Variants in TALDO1 observed in about 807,000 individuals in gnomAD.
TALDO1 encodes the protein transaldolase.
In TALDO1, 29 loss-of-function variants were observed where a neutral mutation model predicts 38.1. The observed-to-expected ratio is 0.76, with a 90% CI of 0.57 to 1.04. The LOEUF is 1.04. TALDO1 is among the 50% of genes least tolerant of loss of function. The pLI, the probability that TALDO1 is intolerant of heterozygous loss-of-function variation, is 0.00. For synonymous variants in TALDO1, 207 were observed against 176.8 expected (o/e 1.17, Z -1.36); for missense variants, 499 against 438.1 (o/e 1.14, Z -1.24).
intron 1 of TALDO1, among the ~76,000 whole-genome samples, chr11:755,222 G>A (rs927372507): frequency 8.5e-5 from 11 of 129,650 alleles, no homozygotes; most frequent in African/African-American, 3.2e-4. Context: ...TCGGCTCACT[G>A]CAAGCTCCGC....
Position 760,162 on chromosome 11 carries a change from C to T in TALDO1, c.370C>T (p.Arg124Trp), listed in dbSNP as rs750723154. ...DKDAMVARARRLIELYKEAGI... is the reference protein window; with the variant it reads ...DKDAMVARARWLIELYKEAGI... ...AGATGCGATGGTGGCCAGAGCCAGGCGGCTCATCGAGCTCTACAAGGAAGC... is the reference window on the plus strand; with the variant it reads ...AGATGCGATGGTGGCCAGAGCCAGGTGGCTCATCGAGCTCTACAAGGAAGC... Residue 124 changes from arginine to tryptophan, a missense_variant, in exon 4 of 8, where the codon CGG becomes TGG. Coordinates refer to ENST00000319006, the MANE Select transcript of TALDO1 (RefSeq NM_006755.2). 21 of 1,613,928 alleles carry T rather than the reference C, an allele frequency of 1.3e-5. No homozygotes were observed. The highest frequency in any genetic ancestry group is 4.0e-5 in the African/African-American group (3 of 74,854).
At position 750,988 on chromosome 11, in the gene TALDO1, A is replaced by G. The variant is rs117102630; in HGVS notation, c.97+3410A>G. On this transcript the variant is annotated intron_variant, in intron 1 of 7. Transcript: ENST00000319006. ...GCTTCTTTGAATTCCTAGCTTGGTT[A>G]TGTGAGAAATAACTAATGTGTTAAA... Among the ~76,000 whole-genome samples the G allele has an allele frequency of 4.5e-3, 686 of 152,278 alleles. 2 individuals are homozygous for G. Among genetic ancestry groups the G allele is most frequent in the Non-Finnish European group, 7.2e-3 (488 of 68,024 alleles).
At chr11:749,847 A>T (rs1862721999) in intron 1 of TALDO1, among the ~76,000 whole-genome samples, 1 of 152,226 alleles carries the variant, frequency 6.6e-6, no homozygotes, top group South Asian at 2.1e-4. Context: ...GCCAGATGTC[A>T]TGTTGAAATG....
chr11:758,291 A>C (rs573876755), intron 2 of TALDO1, among the ~76,000 whole-genome samples: 7 of 152,156 alleles, frequency 4.6e-5, no homozygotes, highest in African/African-American at 1.7e-4. Context: ...TCAACAAAAC[A>C]AAAAAATTAG....
At position 756,046 on chromosome 11, in the gene TALDO1, T is replaced by C. The variant is rs769305915; in HGVS notation, c.221+44T>C. The C allele has an allele frequency of 1.3e-5, 21 of 1,596,356 alleles. No homozygotes were observed. In the Admixed American group the frequency reaches 3.6e-4, roughly 28 times the overall value. On this transcript the variant is annotated intron_variant, in intron 2 of 7. Transcript: ENST00000319006. Reference sequence around the variant, plus strand: ...GAGGGTCCCAGCTAGGCCCTCGTGCTAGTCTAGTTGGCCTTGCTTCCCTCC... The same window carrying C: ...GAGGGTCCCAGCTAGGCCCTCGTGCCAGTCTAGTTGGCCTTGCTTCCCTCC...
chr11:764,223 A>G, intron 6 of TALDO1, 65 bp from the exon 7 acceptor site: 2 of 1,612,664 alleles, frequency 1.2e-6, no homozygotes, highest in Non-Finnish European at 8.5e-7. Flanking sequence ...TCAGGCCCTG[A>G]GCCCAAGGGG....
At chr11:748,345 G>A (rs926192621) in intron 1 of TALDO1, among the ~76,000 whole-genome samples, 1 of 152,212 alleles carries the variant, frequency 6.6e-6, no homozygotes, top group Non-Finnish European at 1.5e-5. Flanking sequence ...AAAGCACAGG[G>A]TTGGTACACT....
At chr11:754,456 C>T (rs1026337638) in intron 1 of TALDO1, among the ~76,000 whole-genome samples, 2 of 151,974 alleles carry the variant, frequency 1.3e-5, no homozygotes, top group South Asian at 2.1e-4. Context: ...CTACTGAATG[C>T]GATATTTATT....
intron 3 of TALDO1, among the ~76,000 whole-genome samples, 190 bp from the exon 4 acceptor site, chr11:759,928 CTGTT>C (rs911885952): frequency 6.6e-6 from 1 of 152,128 alleles, no homozygotes; most frequent in Non-Finnish European, 1.5e-5. Flanking sequence ...CTGAGGACCT[CTGTT>C]TGTGAGACTG....
intron 2 of TALDO1, among the ~76,000 whole-genome samples, chr11:757,094 T>C (rs1862850405): frequency 6.6e-6 from 1 of 152,154 alleles, no homozygotes; most frequent in African/African-American, 2.4e-5. Context: ...CCCCTGACCA[T>C]GTTGTGACAG....
At chr11:747,625 G>A (rs2133566021) in intron 1 of TALDO1, 47 bp downstream of exon 1, 1 of 1,459,388 alleles carries the variant, frequency 6.9e-7, no homozygotes, top group Non-Finnish European at 9.2e-7. Flanking sequence ...CCCTCCAGAG[G>A]CCCCGGCGCC....
chr11:759,510 T>C (rs1440640811), intron 3 of TALDO1, among the ~76,000 whole-genome samples: 2 of 152,198 alleles, frequency 1.3e-5, no homozygotes, highest in African/African-American at 2.4e-5. Context: ...TCCACCTGCC[T>C]CGGCCTCCCA....
In TALDO1 at chr11:760,132, GA is replaced by G; in HGVS notation, c.341del (p.Asp114ValfsTer28). The G allele has an allele frequency of 6.2e-7, 1 of 1,614,094 alleles. No individual in the cohort carries two copies. Among genetic ancestry groups the G allele is most frequent in the Non-Finnish European group, 8.5e-7 (1 of 1,179,986 alleles). ...STEVDARLSF[D>X]KDAMVARARR... ...TTCTTGCTCCTACAGGCTCTCCTTT[GA>G]TAAAGATGCGATGGTGGCCAGAGCC... On this transcript the variant is annotated frameshift_variant, in exon 4 of 8. Transcript: ENST00000319006. LOFTEE classifies it high-confidence loss of function.
At chr11:764,666 CTG>C in intron 7 of TALDO1, 145 bp from the exon 8 acceptor site, 2 of 1,399,908 alleles carry the variant, frequency 1.4e-6, no homozygotes, top group Non-Finnish European at 2.0e-6. Flanking sequence ...TGTGTGGTGA[CTG>C]TGGTATTGGC....
At chr11:761,449 A>G (rs1181443910) in intron 4 of TALDO1, among the ~76,000 whole-genome samples, 4 of 150,994 alleles carry the variant, frequency 2.6e-5, no homozygotes, top group Admixed American at 2.6e-4. Context: ...TCCAGTAGCT[A>G]TGATCGTACC....
Position 764,416 on chromosome 11 carries a change from C to T in TALDO1, c.964C>T (p.Leu322=). The T allele has an allele frequency of 6.2e-7, 1 of 1,614,230 alleles. No individual in the cohort carries two copies. The highest frequency in any genetic ancestry group is 8.5e-7 in the Non-Finnish European group (1 of 1,180,028). The change falls in exon 7 of 8, where the codon CTG becomes TTG. Residue 322 remains leucine (L), a synonymous_variant. Transcript: ENST00000319006. ...CAAGTTTGCCGCTGATGCAGTGAAG[C>T]TGGAGCGGATGCTGACAGTGAGTGT... ...IRKFAADAVK[L]ERMLTERMFN...
intron 1 of TALDO1, among the ~76,000 whole-genome samples, chr11:749,401 C>CA (rs374829411): frequency 0.27 from 29,784 of 110,754 alleles, 5,714 homozygotes; most frequent in African/African-American, 0.53. Flanking sequence ...AACTCCGTCT[C>CA]AAAAAAAAAA....
At chr11:764,562 A>G (rs1863015357) in intron 7 of TALDO1, 129 bp downstream of exon 7, 1 of 1,481,638 alleles carries the variant, frequency 6.7e-7, no homozygotes, top group East Asian at 2.5e-5. Context: ...GCTGTCCAGC[A>G]AGTGGGGCCT....
chr11:760,601 A>T (rs888408593), intron 4 of TALDO1: 3 of 309,650 alleles, frequency 9.7e-6, no homozygotes, highest in Admixed American at 8.6e-5. Context: ...TAAAAAGTAA[A>T]CTATTGTTAT....
Sources: allele counts gnomAD v4.1 joint callset (sites outside exome capture counted in the v4.1 genomes callset), GRCh38; gene constraint gnomAD v4.1.1; transcripts MANE v1.5; gene names NCBI Gene and HGNC (gene_info 2026-07-23, HGNC 2026-07-21).